CCT4: variants seen among roughly 807,000 people sequenced by gnomAD.
The protein encoded by CCT4 is T-complex protein 1 subunit delta.
Under a neutral mutation model 62.5 loss-of-function variants are expected in CCT4, and 17 were observed. The observed-to-expected ratio is 0.27, with a 90% CI of 0.19 to 0.41. The LOEUF (loss-of-function observed/expected upper bound fraction) is 0.41. CCT4 is among the 10% of genes least tolerant of loss of function. The pLI, the probability that CCT4 is intolerant of heterozygous loss-of-function variation, is 1.00. For synonymous variants in CCT4, 250 were observed against 229.9 expected (o/e 1.09, Z -0.79); for missense variants, 592 against 659.2 (o/e 0.90, Z 1.12).
At chr2:61,885,275 T>C (rs908321748) in intron 1 of CCT4, among the ~76,000 whole-genome samples, 2 of 152,118 alleles carry the variant, frequency 1.3e-5, no homozygotes, top group Non-Finnish European at 2.9e-5. Context: ...GATCATTGTG[T>C]TCTTATTAGG....
intron 3 of CCT4, among the ~76,000 whole-genome samples, chr2:61,881,960 T>C (rs536809399): frequency 4.0e-5 from 6 of 149,274 alleles, no homozygotes; most frequent in African/African-American, 1.5e-4. Context: ...TGAGACGGAG[T>C]CTTACTCTGT....
chr2:61,882,224 C>A (rs11692374), intron 3 of CCT4, among the ~76,000 whole-genome samples: 1 of 151,962 alleles, frequency 6.6e-6, no homozygotes, highest in Admixed American at 6.6e-5. Flanking sequence ...CGAGCCACTG[C>A]GACCAGACTG....
chr2:61,881,336 C>G (rs1014089808), intron 3 of CCT4, among the ~76,000 whole-genome samples: 3 of 151,426 alleles, frequency 2.0e-5, no homozygotes, highest in African/African-American at 7.3e-5. Flanking sequence ...TTTTTGTTAT[C>G]CTGTCGAACT....
intron 1 of CCT4, chr2:61,888,050 C>G (rs1669300071): frequency 3.9e-6 from 1 of 256,392 alleles, no homozygotes; most frequent in Non-Finnish European, 7.4e-6. Flanking sequence ...TAAGCGACAG[C>G]CCTCAAGCGT....
chr2:61,882,614 T>C (rs1470814880), intron 3 of CCT4, among the ~76,000 whole-genome samples: 1 of 151,904 alleles, frequency 6.6e-6, no homozygotes, highest in East Asian at 1.9e-4. Context: ...ACTCAAACAA[T>C]TCTCCCACCT....
chr2:61,869,872 T>C (rs1379306529), intron 12 of CCT4, among the ~76,000 whole-genome samples: 3 of 150,206 alleles, frequency 2.0e-5, no homozygotes, highest in African/African-American at 7.3e-5. Flanking sequence ...GATCTCATGA[T>C]CTGCCCGCCT....
At position 61,888,542 on chromosome 2, in the gene CCT4, G is replaced by C. The variant is rs761488337; in HGVS notation, c.-35C>G. On this transcript the variant is annotated 5_prime_UTR_variant, in exon 1 of 14. Transcript: ENST00000394440. The stretch of plus-strand genomic sequence containing the variant: ...CGCTGTGTCTGGGTTGGCTCGGGAA[G>C]GACGGATGGACCCGGATTCTGGCCG... The C allele has an allele frequency of 6.3e-7, 1 of 1,599,332 alleles. No individual in the cohort carries two copies. Among genetic ancestry groups the C allele is most frequent in the Non-Finnish European group, 8.5e-7 (1 of 1,172,822 alleles).
intron 3 of CCT4, 140 bp downstream of exon 3, chr2:61,883,319 G>C: frequency 3.6e-6 from 2 of 553,456 alleles, no homozygotes; most frequent in Non-Finnish European, 6.3e-6. Flanking sequence ...TACTCAGGAG[G>C]CTGAGGCAGG....
Position 61,872,441 on chromosome 2 carries a change from T to A in CCT4, c.1256+17A>T. On this transcript the variant is annotated intron_variant, in intron 11 of 13. Transcript: ENST00000394440. Reference sequence around the variant, plus strand: ...TAATGTTCAAAATGTTACTTAATAATGTAACACTGACATTACCTCTTCTTC... The same window carrying A: ...TAATGTTCAAAATGTTACTTAATAAAGTAACACTGACATTACCTCTTCTTC... The A allele has an allele frequency of 6.3e-7, 1 of 1,585,166 alleles. No individual in the cohort carries two copies.
chr2:61,872,710 G>T (rs909956146), intron 10 of CCT4, 122 bp from the exon 11 acceptor site: 17 of 902,352 alleles, frequency 1.9e-5, no homozygotes, highest in East Asian at 1.7e-4. Flanking sequence ...GGTGGCTAAC[G>T]AGGTGAGGAG....
chr2:61,876,227 T>C lies in CCT4; in HGVS notation c.785A>G (p.Asn262Ser). 6.2e-7 allele frequency: 1 copy of C among 1,601,500 alleles called. No homozygotes were observed. The highest frequency in any genetic ancestry group is 1.1e-5 in the South Asian group (1 of 88,366). ...GGCATAGTCAGAAACCACTATTTGA[T>C]TATCCATCTGTTCAGAAAAAGAACA... ...CLSAPKTDMDNQIVVSDYAQM... is the reference protein window; with the variant it reads ...CLSAPKTDMDSQIVVSDYAQM... Residue 262 changes from asparagine to serine, a missense_variant, in exon 8 of 14, where the codon AAT (asparagine) becomes AGT (serine). By Grantham distance (46) the Asn-to-Ser change is conservative. Transcript: ENST00000394440.
chr2:61,883,817 A>C (rs946630858), intron 2 of CCT4, among the ~76,000 whole-genome samples: 65 of 131,340 alleles, frequency 4.9e-4, no homozygotes, highest in Admixed American at 3.0e-3. Flanking sequence ...CACACACACA[A>C]AAGGAAAAAT....
At chr2:61,868,885 C>A in intron 13 of CCT4, 179 bp from the exon 14 acceptor site, 1 of 555,968 alleles carries the variant, frequency 1.8e-6, no homozygotes. Context: ...GCCTGTAATC[C>A]CAGCACTTTG....
rs1263267201 is a variant in CCT4, at chr2:61,876,874, T to TA, written c.777+45dup. Reference sequence around the variant, plus strand: ...TTTAATAAAGAAATGCCTGAGTTATTAAAAAGTTAAACACAGAGAACCAAT... The same window carrying TA: ...TTTAATAAAGAAATGCCTGAGTTATTAAAAAAGTTAAACACAGAGAACCAAT... On this transcript the variant is annotated intron_variant, in intron 7 of 13. Coordinates refer to ENST00000394440, the MANE Select transcript of CCT4 (RefSeq NM_006430.4). The TA allele has an allele frequency of 2.6e-6, 4 of 1,514,608 alleles. No homozygotes were observed. In the African/African-American group the frequency reaches 5.7e-5, roughly 21 times the overall value. 93.8% of individuals were successfully genotyped at this position (1,514,608 alleles called of 1,614,324 possible).
chr2:61,886,883 C>T (rs1192457352), intron 1 of CCT4, among the ~76,000 whole-genome samples: 1 of 152,098 alleles, frequency 6.6e-6, no homozygotes, highest in Non-Finnish European at 1.5e-5. Context: ...CCTCAGCCTC[C>T]CGAGTAGCTG....
At chr2:61,870,209 G>A (rs373181792) in intron 12 of CCT4, among the ~76,000 whole-genome samples, 29 of 151,902 alleles carry the variant, frequency 1.9e-4, no homozygotes, top group African/African-American at 5.3e-4. Context: ...CCCAGGAGGC[G>A]GAGTGCAGTG....
At chr2:61,877,912 T>G (rs1194044463) in intron 5 of CCT4, among the ~76,000 whole-genome samples, 1 of 152,202 alleles carries the variant, frequency 6.6e-6, no homozygotes, top group East Asian at 1.9e-4. Flanking sequence ...ATCAATCACT[T>G]AACATATGCC....
At position 61,872,237 on chromosome 2, in the gene CCT4, T is replaced by C. The variant is rs772758565; in HGVS notation, c.1336A>G (p.Met446Val). ...LTEYSRTLSG[M>V]ESYCVRAFAD... ...AAAGCACGAACGCAGTAGGATTCCA[T>C]ACCACTCAGTGTTCGTGAATATTCA... The change falls in exon 12 of 14, where the codon ATG becomes GTG. Residue 446 changes from methionine to valine, a missense_variant. Met to Val is a conservative substitution (Grantham distance 21). This residue lies in a region of CCT4 where 522 missense variants were observed against 571.2 expected (regional missense o/e 0.91). Coordinates refer to ENST00000394440, the MANE Select transcript of CCT4 (RefSeq NM_006430.4). The C allele has an allele frequency of 6.2e-6, 10 of 1,613,642 alleles. No homozygotes were observed. Among genetic ancestry groups the C allele is most frequent in the South Asian group, 4.4e-5 (4 of 91,058 alleles).
In CCT4 at chr2:61,876,040, C is replaced by T. The variant is rs1002738030; in HGVS notation, c.917+55G>A. 3.4e-6 allele frequency: 4 copies of T among 1,161,018 alleles called. No homozygotes were observed. In the African/African-American group the frequency reaches 6.2e-5, roughly 18 times the overall value. 71.9% of individuals were successfully genotyped at this position (1,161,018 alleles called of 1,614,324 possible). ...ATATTTTATCAGAAAAAATAAACTG[C>T]TAGTGGAGATCCAAAATTATCATTA... is the stretch of plus-strand genomic sequence containing the variant. On this transcript the variant is annotated intron_variant, in intron 8 of 13. Coordinates refer to ENST00000394440, the MANE Select transcript of CCT4 (RefSeq NM_006430.4).
Sources: allele counts gnomAD v4.1 joint callset (sites outside exome capture counted in the v4.1 genomes callset), GRCh38; gene constraint gnomAD v4.1.1; regional missense constraint gnomAD v4.1.1; transcripts MANE v1.5; gene names NCBI Gene and HGNC (gene_info 2026-07-23, HGNC 2026-07-21).